LYPLAL1: variants seen among roughly 807,000 people sequenced by gnomAD.
LYPLAL1 encodes the protein lysophospholipase like 1, also known as lysophospholipase-like protein 1.
LYPLAL1 carries 23 observed loss-of-function variants against 19.7 expected under a neutral mutation model. The observed-to-expected ratio is 1.17, with a 90% CI of 0.84 to 1.65. The LOEUF is 1.65. Ranked by LOEUF, LYPLAL1 falls within the 40% of genes most tolerant of loss-of-function variation. The pLI is 0.00. For synonymous variants in LYPLAL1, 119 were observed against 96.3 expected, an observed-to-expected ratio of 1.24 and a Z score of -1.38; for missense variants, 355 against 279.4, an observed-to-expected ratio of 1.27 and a Z score of -1.93.
the LYPLAL1 span, among the ~76,000 whole-genome samples, chr1:219,356,196 A>C: frequency 6.6e-6 from 1 of 152,190 alleles, no homozygotes; most frequent in Non-Finnish European, 1.5e-5. Context: ...AAATGATTGA[A>C]TGGTTTAAAA....
At chr1:219,317,076 A>G in the LYPLAL1 span, among the ~76,000 whole-genome samples, 1 of 152,234 alleles carries the variant, frequency 6.6e-6, no homozygotes, top group African/African-American at 2.4e-5. Context: ...ATAATTTAAA[A>G]AATTGGAAAA....
rs1240348117 is a variant in LYPLAL1, at chr1:219,208,957, CA to C, written c.362-1572del. The stretch of plus-strand genomic sequence containing the variant: ...GACATGTCAAAGATTTATTAATGCA[CA>C]AATTCATGGATAATGTAGCCCAGTG... On this transcript the variant is annotated intron_variant, in intron 3 of 4. Coordinates refer to ENST00000366928, the MANE Select transcript of LYPLAL1 (RefSeq NM_138794.5). Among the ~76,000 whole-genome samples, 5 of 152,186 alleles carry C rather than the reference CA, an allele frequency of 3.3e-5. No homozygotes were observed. The East Asian group carries it at 9.7e-4, about 29-fold the overall frequency.
chr1:219,337,091 T>C, the LYPLAL1 span, among the ~76,000 whole-genome samples: 1 of 151,964 alleles, frequency 6.6e-6, no homozygotes, highest in Non-Finnish European at 1.5e-5. Flanking sequence ...TCTCATTGTC[T>C]TCTCCTCCTT....
At chr1:219,334,526 G>GGTGT in the LYPLAL1 span, among the ~76,000 whole-genome samples, 14,833 of 147,092 alleles carry the variant, frequency 0.1, 827 homozygotes, top group South Asian at 0.2. Flanking sequence ...AATGAAGAGG[G>GGTGT]GTGTGTGTGT....
chr1:219,299,468 G>A, the LYPLAL1 span, among the ~76,000 whole-genome samples: 2 of 152,188 alleles, frequency 1.3e-5, no homozygotes, highest in South Asian at 2.1e-4. Flanking sequence ...TAGGTGTGGA[G>A]GAAGTGAGAG....
At chr1:219,438,569 A>G in the LYPLAL1 span, among the ~76,000 whole-genome samples, 1 of 152,242 alleles carries the variant, frequency 6.6e-6, no homozygotes, top group Admixed American at 6.5e-5. Flanking sequence ...TAGTGTTGCC[A>G]GGTTATCGTC....
chr1:219,285,678 G>A, the LYPLAL1 span, among the ~76,000 whole-genome samples: 2 of 152,206 alleles, frequency 1.3e-5, no homozygotes, highest in Non-Finnish European at 2.9e-5. Context: ...CAAATCCAGA[G>A]AAACATAGTA....
chr1:219,402,339 TA>T, the LYPLAL1 span, among the ~76,000 whole-genome samples: 48 of 152,274 alleles, frequency 3.2e-4, no homozygotes, highest in Middle Eastern at 3.4e-3. Context: ...AAAAAGAAAG[TA>T]AATTGCCCAC....
the LYPLAL1 span, among the ~76,000 whole-genome samples, chr1:219,429,192 C>G: frequency 6.6e-6 from 1 of 152,236 alleles, no homozygotes; most frequent in Admixed American, 6.5e-5. Context: ...AAGGAGAGAG[C>G]AGGAAACTCG....
At chr1:219,355,376 G>A in the LYPLAL1 span, among the ~76,000 whole-genome samples, 3 of 152,020 alleles carry the variant, frequency 2.0e-5, no homozygotes, top group Non-Finnish European at 4.4e-5. Flanking sequence ...AATCCCAAAA[G>A]AGAGAAAAAT....
At chr1:219,267,288 G>A in the LYPLAL1 span, among the ~76,000 whole-genome samples, 1 of 152,084 alleles carries the variant, frequency 6.6e-6, no homozygotes, top group African/African-American at 2.4e-5. Flanking sequence ...TTATCAAAAT[G>A]TACCCATCTC....
chr1:219,440,178 T>C, the LYPLAL1 span, among the ~76,000 whole-genome samples: 1 of 151,614 alleles, frequency 6.6e-6, no homozygotes, highest in South Asian at 2.1e-4. Flanking sequence ...GAGTTCCTTA[T>C]TTTCAGCCTA....
the LYPLAL1 span, among the ~76,000 whole-genome samples, chr1:219,385,904 T>C: frequency 6.6e-6 from 1 of 152,196 alleles, no homozygotes; most frequent in African/African-American, 2.4e-5. Flanking sequence ...ACTAACTCTA[T>C]TGTATGACTG....
At chr1:219,314,878 A>G in the LYPLAL1 span, among the ~76,000 whole-genome samples, 1 of 152,234 alleles carries the variant, frequency 6.6e-6, no homozygotes, top group African/African-American at 2.4e-5. Flanking sequence ...CAAATACCAC[A>G]GGTGATTCTG....
the LYPLAL1 span, among the ~76,000 whole-genome samples, chr1:219,274,102 A>G: frequency 1.3e-5 from 2 of 152,216 alleles, no homozygotes. Flanking sequence ...GTAGCTGTAA[A>G]GGAATGAAGA....
the LYPLAL1 span, among the ~76,000 whole-genome samples, chr1:219,372,478 T>C: frequency 6.6e-6 from 1 of 152,214 alleles, no homozygotes; most frequent in African/African-American, 2.4e-5. Flanking sequence ...CCCCCTTTTT[T>C]GACCTTCAGT....
downstream of LYPLAL1, among the ~76,000 whole-genome samples, chr1:219,216,306 G>A (rs1659288444): frequency 1.3e-5 from 2 of 151,836 alleles, no homozygotes; most frequent in African/African-American, 4.8e-5. Context: ...ACTTTTGATT[G>A]GATTCTAGAC....
the LYPLAL1 span, among the ~76,000 whole-genome samples, chr1:219,330,602 G>T: frequency 6.6e-6 from 1 of 152,146 alleles, no homozygotes; most frequent in Non-Finnish European, 1.5e-5. Context: ...ACTAATGTCT[G>T]ATTCAATTGT....
At chr1:219,183,782 AAGT>A (rs1235720518) in intron 2 of LYPLAL1, among the ~76,000 whole-genome samples, 5 of 152,028 alleles carry the variant, frequency 3.3e-5, no homozygotes, top group Middle Eastern at 3.4e-3. Flanking sequence ...TTAAAATTCT[AAGT>A]AGGTATTATA....
Sources: allele counts gnomAD v4.1 joint callset (sites outside exome capture counted in the v4.1 genomes callset), GRCh38; gene constraint gnomAD v4.1.1; transcripts MANE v1.5; gene names NCBI Gene and HGNC (gene_info 2026-07-23, HGNC 2026-07-21).